Variants in ATP6V0A4 observed in about 807,000 individuals in gnomAD.
ATP6V0A4 encodes the protein V-type proton ATPase 116 kDa subunit a 4.
A neutral mutation model predicts 107.3 loss-of-function variants in ATP6V0A4; 86 were observed. The ratio of observed to expected loss-of-function variants is 0.80; its 90% CI spans 0.67 to 0.96. The LOEUF is 0.96. Among genes scored for constraint, ATP6V0A4 ranks in the 40% least tolerant of loss-of-function variants. ATP6V0A4 has a pLI of 0.00. For missense variants in ATP6V0A4, 908 were observed against 1,045.6 expected, an observed-to-expected ratio of 0.87 and a Z score of 1.81; for synonymous variants, 353 against 381.4, an observed-to-expected ratio of 0.93 and a Z score of 0.87.
At chr7:138,713,980 A>G (rs1472467868) in intron 20 of ATP6V0A4, among the ~76,000 whole-genome samples, 1 of 150,678 alleles carries the variant, frequency 6.6e-6, no homozygotes, top group East Asian at 2.0e-4. Flanking sequence ...GTGTGTGCCT[A>G]TAGTCCCTGC....
At chr7:138,725,508 A>C (rs10954626) in intron 18 of ATP6V0A4, among the ~76,000 whole-genome samples, 117,583 of 151,840 alleles carry the variant, frequency 0.77, 45,801 homozygotes, top group African/African-American at 0.86. Context: ...GAAGAAGGCA[A>C]AAAAAACTTT....
At chr7:138,708,146 G>A (rs939663384) in intron 21 of ATP6V0A4, among the ~76,000 whole-genome samples, 10 of 151,710 alleles carry the variant, frequency 6.6e-5, no homozygotes, top group Non-Finnish European at 1.3e-4. Context: ...CCACCTCCCG[G>A]GTTCCAGCCA....
chr7:138,767,895 T>C (rs1165352089), intron 5 of ATP6V0A4, among the ~76,000 whole-genome samples: 1 of 152,182 alleles, frequency 6.6e-6, no homozygotes, highest in Non-Finnish European at 1.5e-5. Flanking sequence ...ATTTCTAAGC[T>C]ACCTTGCACG....
intron 1 of ATP6V0A4, among the ~76,000 whole-genome samples, chr7:138,795,895 T>A (rs1808635741): frequency 6.6e-6 from 1 of 152,204 alleles, no homozygotes; most frequent in Non-Finnish European, 1.5e-5. Context: ...GCTCAAGTGA[T>A]CTTCCCACCT....
intron 12 of ATP6V0A4, 161 bp from the exon 13 acceptor site, chr7:138,747,725 A>T (rs1407951803): frequency 8.6e-7 from 1 of 1,156,262 alleles, no homozygotes; most frequent in African/African-American, 1.6e-5. Flanking sequence ...TAGCTGCCAC[A>T]TAAATGAGTG....
intron 2 of ATP6V0A4, 119 bp from the exon 3 acceptor site, chr7:138,771,383 C>A: frequency 8.7e-7 from 1 of 1,149,510 alleles, no homozygotes; most frequent in Admixed American, 2.6e-5. Context: ...TTAGGAATCA[C>A]TTCTGATTTT....
intron 15 of ATP6V0A4, among the ~76,000 whole-genome samples, chr7:138,737,115 A>AATATATATATATATATATATATAT (rs1554394380): frequency 9.2e-5 from 8 of 86,760 alleles, no homozygotes; most frequent in South Asian, 4.2e-4. Flanking sequence ...AGCCCTTATT[A>AATATATATATATATATATATATAT]ATATATATAT....
chr7:138,734,254 T>A lies in ATP6V0A4; in HGVS notation c.1573A>T (p.Ile525Phe). ...AGTTTGTTTGAAGCCAAGTTCCAAA[T>A]CTGGATGGGAAATGGGACAAAAAAC... Reference protein sequence around the residue: ...GNPYPFGIDPIWNLASNKLTF... With the variant: ...GNPYPFGIDPFWNLASNKLTF... The change falls in exon 16 of 22, where the codon ATT (isoleucine) becomes TTT (phenylalanine). Residue 525 changes from isoleucine to phenylalanine, a missense_variant and splice_region_variant. Ile to Phe is a conservative substitution (Grantham distance 21). Transcript: ENST00000310018. 1 of 1,613,312 alleles carries A rather than the reference T, an allele frequency of 6.2e-7. No individual in the cohort carries two copies. Among genetic ancestry groups the A allele is most frequent in the Non-Finnish European group, 8.5e-7 (1 of 1,179,530 alleles).
intron 14 of ATP6V0A4, 96 bp downstream of exon 14, chr7:138,745,026 CT>C (rs1805840086): frequency 1.3e-5 from 15 of 1,147,710 alleles, no homozygotes; most frequent in Non-Finnish European, 1.8e-5. Context: ...AAGTGCACCT[CT>C]GAGTAGACCT....
chr7:138,750,630 C>A (rs913548478), intron 11 of ATP6V0A4, among the ~76,000 whole-genome samples: 1 of 152,238 alleles, frequency 6.6e-6, no homozygotes, highest in African/African-American at 2.4e-5. Context: ...CGAGTGCTCA[C>A]GGTCCCAGCT....
intron 1 of ATP6V0A4, among the ~76,000 whole-genome samples, chr7:138,787,924 T>TAG (rs1297723671): frequency 2.0e-5 from 3 of 152,056 alleles, no homozygotes; most frequent in African/African-American, 7.2e-5. Flanking sequence ...GCTTGAGCCC[T>TAG]AGGAGGTGGA....
intron 12 of ATP6V0A4, among the ~76,000 whole-genome samples, chr7:138,748,217 C>T (rs1368930942): frequency 1.3e-5 from 2 of 152,080 alleles, no homozygotes; most frequent in Non-Finnish European, 2.9e-5. Context: ...CTCTTCTCCA[C>T]ACCCATCTTT....
chr7:138,714,079 A>G (rs1294532810), intron 20 of ATP6V0A4, among the ~76,000 whole-genome samples: 1 of 149,782 alleles, frequency 6.7e-6, no homozygotes, highest in Non-Finnish European at 1.5e-5. Context: ...CTCTACCAAA[A>G]AAAAAAAAAA....
At chr7:138,736,073 C>CAAAA (rs1167149066) in intron 15 of ATP6V0A4, among the ~76,000 whole-genome samples, 1 of 151,134 alleles carries the variant, frequency 6.6e-6, no homozygotes, top group African/African-American at 2.5e-5. Context: ...CATCTCAAAA[C>CAAAA]AAACAAACAA....
intron 20 of ATP6V0A4, among the ~76,000 whole-genome samples, chr7:138,711,967 C>T (rs1323645590): frequency 6.6e-6 from 1 of 152,200 alleles, no homozygotes; most frequent in African/African-American, 2.4e-5. Flanking sequence ...GAGTCTCGCT[C>T]TGTCACCCAG....
At chr7:138,778,604 G>A (rs955859159) in intron 2 of ATP6V0A4, among the ~76,000 whole-genome samples, 8 of 152,234 alleles carry the variant, frequency 5.3e-5, no homozygotes, top group South Asian at 2.1e-4. Context: ...AAGCCTGCTC[G>A]CTCTAGCAAA....
At chr7:138,777,955 T>C (rs1271756022) in intron 2 of ATP6V0A4, among the ~76,000 whole-genome samples, 1 of 152,048 alleles carries the variant, frequency 6.6e-6, no homozygotes, top group African/African-American at 2.4e-5. Context: ...ACACCACAAG[T>C]GGAAAATTTC....
intron 13 of ATP6V0A4, among the ~76,000 whole-genome samples, chr7:138,746,666 G>A (rs761863276): frequency 1.5e-4 from 23 of 152,044 alleles, no homozygotes; most frequent in Non-Finnish European, 2.8e-4. Flanking sequence ...ACCATGCCTG[G>A]CTAATTTTTG....
intron 2 of ATP6V0A4, among the ~76,000 whole-genome samples, chr7:138,784,289 T>TATACATATATATATACACACATATATAC (rs1554402651): frequency 9.1e-5 from 4 of 43,808 alleles, no homozygotes; most frequent in African/African-American, 2.6e-4. Flanking sequence ...TACATATATA[T>TATACATATATATATACACACATATATAC]ACACACACAC....
Sources: allele counts gnomAD v4.1 joint callset (sites outside exome capture counted in the v4.1 genomes callset), GRCh38; gene constraint gnomAD v4.1.1; transcripts MANE v1.5; gene names NCBI Gene and HGNC (gene_info 2026-07-23, HGNC 2026-07-21).